Variants in C16orf96 observed in about 807,000 individuals in gnomAD.
C16orf96 encodes chromosome 16 open reading frame 96, also known as uncharacterized protein C16orf96.
Under a neutral mutation model 103.6 loss-of-function variants are expected in C16orf96, and 108 were observed. The ratio of observed to expected loss-of-function variants is 1.04; its 90% confidence interval spans 0.89 to 1.22. The LOEUF is 1.22. Among genes scored for constraint, C16orf96 ranks in the 50% most tolerant of loss-of-function variants. The pLI, the probability that C16orf96 is intolerant of heterozygous loss-of-function variation, is 0.00. For synonymous variants in C16orf96, 566 were observed against 593.5 expected, an observed-to-expected ratio of 0.95 and a Z score of 0.67; for missense variants, 1,586 against 1,464.2, an observed-to-expected ratio of 1.08 and a Z score of -1.36.
chr16:4,540,943 C>G, the C16orf96 span, among the ~76,000 whole-genome samples: 1 of 146,428 alleles, frequency 6.8e-6, no homozygotes, highest in East Asian at 2.1e-4. Flanking sequence ...TAGATGGAGT[C>G]TCGCTCTGTC....
At chr16:4,591,593 AC>A (rs1417575802) in intron 9 of C16orf96, 72 bp from the exon 10 acceptor site, 4 of 1,254,910 alleles carry the variant, frequency 3.2e-6, no homozygotes, top group Non-Finnish European at 4.6e-6. Context: ...GGTTGCTGCA[AC>A]CCTCTTCTGG....
At chr16:4,554,596 C>A (rs1173681896), upstream of C16orf96, among the ~76,000 whole-genome samples, 1 of 151,972 alleles carries the variant, frequency 6.6e-6, no homozygotes, top group African/African-American at 2.4e-5. Context: ...ACCTCGTGAT[C>A]TGCCCGCCTC....
intron 9 of C16orf96, among the ~76,000 whole-genome samples, chr16:4,589,418 CA>C (rs34683174): frequency 0.79 from 115,730 of 146,634 alleles, 45,973 homozygotes; most frequent in Admixed American, 0.88. Flanking sequence ...GTCCCCCTAC[CA>C]AAAAAAAAAA....
intron 2 of C16orf96, among the ~76,000 whole-genome samples, chr16:4,572,928 A>G (rs575745678): frequency 4.2e-4 from 64 of 152,234 alleles, no homozygotes; most frequent in Admixed American, 1.8e-3. Flanking sequence ...GTCTGAAGCC[A>G]GCTCTCCACA....
intron 1 of C16orf96, among the ~76,000 whole-genome samples, chr16:4,569,081 C>T (rs1231306459): frequency 6.6e-6 from 1 of 152,056 alleles, no homozygotes; most frequent in African/African-American, 2.4e-5. Flanking sequence ...GTGATCCTCT[C>T]ACCTCTGCCT....
At chr16:4,540,447 C>T in the C16orf96 span, among the ~76,000 whole-genome samples, 1 of 152,094 alleles carries the variant, frequency 6.6e-6, no homozygotes, top group Admixed American at 6.5e-5. Flanking sequence ...ATTTTAAGAA[C>T]TCTGGCCAGG....
At chr16:4,565,759 G>C (rs975862974) in intron 1 of C16orf96, among the ~76,000 whole-genome samples, 2 of 152,178 alleles carry the variant, frequency 1.3e-5, no homozygotes, top group African/African-American at 4.8e-5. Flanking sequence ...GAGGTGCTGG[G>C]ATTACAGACA....
chr16:4,599,168 G>A, intron 14 of C16orf96, 116 bp from the exon 15 acceptor site: 1 of 806,912 alleles, frequency 1.2e-6, no homozygotes, highest in Non-Finnish European at 2.1e-6. Flanking sequence ...ATGGACCGGG[G>A]AGCCTGGGAA....
upstream of C16orf96, among the ~76,000 whole-genome samples, chr16:4,551,760 C>T (rs939741411): frequency 1.3e-5 from 2 of 152,044 alleles, no homozygotes; most frequent in Admixed American, 1.3e-4. Flanking sequence ...CCATTTGTTT[C>T]TTTTTAAATT....
chr16:4,572,300 A>T (rs2141713733), intron 2 of C16orf96, among the ~76,000 whole-genome samples: 1 of 36,992 alleles, frequency 2.7e-5, no homozygotes, highest in Non-Finnish European at 6.2e-5. Flanking sequence ...TGCAATACTT[A>T]TATTTCTTTT....
At chr16:4,548,620 C>T in the C16orf96 span, among the ~76,000 whole-genome samples, 1 of 152,186 alleles carries the variant, frequency 6.6e-6, no homozygotes, top group Non-Finnish European at 1.5e-5. Flanking sequence ...TTCCTGTAAT[C>T]CCAGCCCTCT....
chr16:4,599,611 G>C (rs185407954), intron 15 of C16orf96, among the ~76,000 whole-genome samples: 59 of 152,382 alleles, frequency 3.9e-4, no homozygotes, highest in African/African-American at 1.4e-3. Flanking sequence ...GGGAACTGAG[G>C]TTGGAAGGAA....
chr16:4,592,235 G>C, intron 10 of C16orf96, 70 bp from the exon 11 acceptor site: 1 of 1,535,708 alleles, frequency 6.5e-7, no homozygotes, highest in Non-Finnish European at 8.8e-7. Flanking sequence ...TGGGGCTCTG[G>C]CTGGCTGCAG....
At position 4,565,478 on chromosome 16, in the gene C16orf96, G is replaced by A. The variant is rs754343675; in HGVS notation, c.421-6083G>A. ...AGAGGGGGAGGTTGTAGTAAGCTGA[G>A]ATGGCACCACTGCAATCTCCACGCA... On this transcript the variant is annotated intron_variant, in intron 1 of 15. Coordinates refer to ENST00000444310, the MANE Select transcript of C16orf96 (RefSeq NM_001145011.2). Among the ~76,000 whole-genome samples the A allele has an allele frequency of 3.9e-5, 6 of 152,176 alleles. No homozygotes were observed. The East Asian group carries it at 1.2e-3, about 29-fold the overall frequency.
At chr16:4,553,792 T>G (rs1009104593), upstream of C16orf96, among the ~76,000 whole-genome samples, 2 of 152,188 alleles carry the variant, frequency 1.3e-5, no homozygotes, top group Non-Finnish European at 2.9e-5. Flanking sequence ...ACGTTTTCCA[T>G]CAGCACTGGC....
chr16:4,547,718 TTCTTTCTTTCTTTCTTTCTC>T, the C16orf96 span, among the ~76,000 whole-genome samples: 1 of 77,368 alleles, frequency 1.3e-5, no homozygotes, highest in African/African-American at 3.3e-5. Context: ...CTTTCTTTCT[TTCTTTCTTTCTTTCTTTCTC>T]CTTCCTTGCT....
At chr16:4,589,380 A>G (rs956927713) in intron 9 of C16orf96, among the ~76,000 whole-genome samples, 1 of 149,908 alleles carries the variant, frequency 6.7e-6, no homozygotes, top group Admixed American at 6.7e-5. Context: ...GGAGTTCAAG[A>G]CCAGCCTGGG....
intron 6 of C16orf96, among the ~76,000 whole-genome samples, chr16:4,579,614 ATTT>A (rs143473771): frequency 5.1e-5 from 6 of 117,618 alleles, no homozygotes; most frequent in Admixed American, 9.7e-5. Flanking sequence ...CTGATACCTT[ATTT>A]TTTTTTTTTT....
At chr16:4,587,599 C>G (rs1896959616) in intron 8 of C16orf96, among the ~76,000 whole-genome samples, 2 of 151,324 alleles carry the variant, frequency 1.3e-5, no homozygotes, top group African/African-American at 2.4e-5. Context: ...CACATCAACT[C>G]CCATTTTCAG....
Sources: gnomAD v4.1 joint callset for allele counts (sites outside exome capture counted in the v4.1 genomes callset) on GRCh38, gnomAD v4.1.1 for gene constraint, MANE v1.5 for transcripts, NCBI Gene and HGNC (gene_info 2026-07-23, HGNC 2026-07-21) for gene names.